GSR: variants seen among roughly 807,000 people sequenced by gnomAD.
GSR encodes glutathione reductase, mitochondrial.
A neutral mutation model predicts 56.5 loss-of-function variants in GSR; 48 were observed. The ratio of observed to expected loss-of-function variants is 0.85; its 90% CI spans 0.67 to 1.08. GSR has a LOEUF of 1.08. GSR is among the 50% of genes least tolerant of loss of function. The pLI is 0.00. For missense variants in GSR, 694 were observed against 703.3 expected, an observed-to-expected ratio of 0.99 and a Z score of 0.15; for synonymous variants, 264 against 270.8, an observed-to-expected ratio of 0.97 and a Z score of 0.25.
At chr8:30,713,189 A>G (rs778851376) in intron 1 of GSR, among the ~76,000 whole-genome samples, 1 of 152,126 alleles carries the variant, frequency 6.6e-6, no homozygotes, top group Non-Finnish European at 1.5e-5. Flanking sequence ...GGTGTGCACC[A>G]CCATGCCCAG....
rs568940058 is a variant in GSR at position 30,698,590 on chromosome 8, C to A, written c.695+1491G>T. Among the ~76,000 whole-genome samples the A allele has an allele frequency of 1.2e-3, 187 of 152,332 alleles. 3 individuals are homozygous for A. Among genetic ancestry groups the A allele is most frequent in the African/African-American group, 4.0e-3 (166 of 41,580 alleles). ...AGGTATCTTCAAGGGACATTTTCAC[C>A]ATCCTATGGAACTGCAAAGCAGCTC... is the stretch of plus-strand genomic sequence containing the variant. On this transcript the variant is annotated intron_variant, in intron 6 of 12. Transcript: ENST00000221130.
At chr8:30,710,958 T>C (rs1041595847) in intron 2 of GSR, among the ~76,000 whole-genome samples, 1 of 151,962 alleles carries the variant, frequency 6.6e-6, no homozygotes, top group Admixed American at 6.6e-5. Context: ...TAAAACCACC[T>C]TATAATTAAT....
chr8:30,696,344 C>T, intron 7 of GSR, 36 bp downstream of exon 7: 1 of 1,315,504 alleles, frequency 7.6e-7, no homozygotes, highest in Non-Finnish European at 1.1e-6. Context: ...TTTAAATTAA[C>T]ATCAAGAAAA....
At chr8:30,705,361 C>T (rs1337361182) in intron 4 of GSR, among the ~76,000 whole-genome samples, 2 of 152,008 alleles carry the variant, frequency 1.3e-5, no homozygotes, top group Non-Finnish European at 2.9e-5. Flanking sequence ...CTCCAGGGTT[C>T]ACGCCATTCT....
intron 3 of GSR, among the ~76,000 whole-genome samples, chr8:30,708,835 T>C (rs1419330308): frequency 6.6e-6 from 1 of 151,316 alleles, no homozygotes; most frequent in African/African-American, 2.4e-5. Flanking sequence ...GGTGGGTGCC[T>C]GTAGTCCCAG....
intron 12 of GSR, 134 bp downstream of exon 12, chr8:30,680,770 A>C: frequency 1.2e-6 from 1 of 809,264 alleles, no homozygotes; most frequent in Non-Finnish European, 2.2e-6. Context: ...TGCAGGTAAG[A>C]CAGATCAAAG....
At position 30,686,807 on chromosome 8, in the gene GSR, T is replaced by C. The variant is rs545875939; in HGVS notation, c.1041+2354A>G. 9.1e-4 allele frequency among the ~76,000 whole-genome samples: 138 copies of C among 152,044 alleles called. 1 individual carries two copies. The South Asian group carries it at 0.012, about 13-fold the overall frequency. On this transcript the variant is annotated intron_variant, in intron 9 of 12. Transcript: ENST00000221130. ...GTGAAAAGCTGAATGACCAGTTTTT[T>C]GTTGTTGTTGTTTTCTTTTGGTGTT... is the stretch of plus-strand genomic sequence containing the variant.
chr8:30,719,249 G>C lies in GSR; in HGVS notation c.307-7161C>G, dbSNP rs116068585. On this transcript the variant is annotated intron_variant, in intron 1 of 12. Coordinates refer to ENST00000221130, the MANE Select transcript of GSR (RefSeq NM_000637.5). The stretch of plus-strand genomic sequence containing the variant: ...AGCCTCCCGAGTAGCTGGGACAACA[G>C]GTGTGTACTACCACACCTGGATAAA... 7.9e-3 allele frequency among the ~76,000 whole-genome samples: 1,168 copies of C among 148,542 alleles called. 19 individuals are homozygous for C. The highest frequency in any genetic ancestry group is 0.027 in the African/African-American group (1,093 of 40,908).
chr8:30,687,905 T>C (rs547553849), intron 9 of GSR, among the ~76,000 whole-genome samples: 2 of 152,298 alleles, frequency 1.3e-5, no homozygotes, highest in African/African-American at 2.4e-5. Flanking sequence ...TCATTCCCAT[T>C]GTGAATATGA....
chr8:30,689,287 C>G lies in GSR; in HGVS notation c.915G>C (p.Leu305Phe), dbSNP rs2128739927. The change falls in exon 9 of 13, where the codon TTG becomes TTC. Residue 305 changes from leucine to phenylalanine, a missense_variant. By Grantham distance (22) the Leu-to-Phe change is conservative. Transcript: ENST00000221130. ...GAACTGCAGTAACCATGCTGACTTC[C>G]AAGCCCGACAAAGTCTTTTTAACCT... ...VKEVKKTLSG[L>F]EVSMVTAVPG... 1 of 1,614,094 alleles carries G rather than the reference C, an allele frequency of 6.2e-7. No individual in the cohort carries two copies. The highest frequency in any genetic ancestry group is 1.7e-5 in the Admixed American group (1 of 60,014).
In GSR at chr8:30,718,115, T is replaced by TAAAA. The variant is rs1039275506; in HGVS notation, c.307-6028_307-6027insTTTT. ...AAATTCTGTCTCAAAAAAATAAAAATAAATAAATAAATAAATAAATAAATA... is the reference window on the plus strand; with the variant it reads ...AAATTCTGTCTCAAAAAAATAAAAATAAAAAAATAAATAAATAAATAAATAAATA... On this transcript the variant is annotated intron_variant, in intron 1 of 12. Transcript: ENST00000221130. Among the ~76,000 whole-genome samples, 12 of 150,472 alleles carry TAAAA rather than the reference T, an allele frequency of 8.0e-5. No homozygotes were observed. The South Asian group carries it at 1.0e-3, about 13-fold the overall frequency.
In GSR at chr8:30,679,247, GA is replaced by G. The variant is rs961414345; in HGVS notation, c.*272del. Reference sequence around the variant, plus strand: ...TTATATTTGGGATGAGGCTAAAACAGAAAAAAAAAACTAGCACAGAGCTGTT... The same window carrying G: ...TTATATTTGGGATGAGGCTAAAACAGAAAAAAAAACTAGCACAGAGCTGTT... On this transcript the variant is annotated 3_prime_UTR_variant, in exon 13 of 13. Coordinates refer to ENST00000221130, the MANE Select transcript of GSR (RefSeq NM_000637.5). 4.3e-4 allele frequency: 165 copies of G among 382,952 alleles called. No individual in the cohort carries two copies. The highest frequency in any genetic ancestry group is 7.2e-4 in the East Asian group (14 of 19,508). The allele number at this position is 382,952 out of a possible 1,614,324, so 23.7% of individuals were successfully genotyped here. A position where few individuals can be genotyped will look rare whatever the true frequency, so the allele number is the denominator to read the frequency against.
At chr8:30,693,775 C>T (rs1468545572) in intron 7 of GSR, among the ~76,000 whole-genome samples, 1 of 152,166 alleles carries the variant, frequency 6.6e-6, no homozygotes, top group Non-Finnish European at 1.5e-5. Context: ...GTGATCCGCC[C>T]ACCTAGGCCT....
At chr8:30,707,029 G>A (rs1275036008) in intron 4 of GSR, 3 of 152,232 alleles carry the variant, frequency 2.0e-5, no homozygotes, top group African/African-American at 7.2e-5. Context: ...CAGCTGCTTG[G>A]GAGGCTGAGG....
In GSR at chr8:30,692,996, A is replaced by G. The variant is rs780054670; in HGVS notation, c.855T>C (p.Ala285=). ...STNCTEELEN[A]GVEVLKFSQV... ...GGGAGAACTTCAGCACCTCCACGCC[A>G]GCGTTCTCCAGCTCCTCCGTGCAGT... Residue 285 remains alanine, a synonymous_variant, in exon 8 of 13, where the codon GCT becomes GCC. Coordinates refer to ENST00000221130, the MANE Select transcript of GSR (RefSeq NM_000637.5). 16 of 1,612,590 alleles carry G rather than the reference A, an allele frequency of 9.9e-6. No individual in the cohort carries two copies. In the African/African-American group the frequency reaches 2.0e-4, roughly 20 times the overall value.
rs1180715865 is a variant in GSR at position 30,709,802 on chromosome 8, G to A, written c.422+12C>T. The A allele has an allele frequency of 2.8e-6, 4 of 1,437,468 alleles. No individual in the cohort carries two copies. The highest frequency in any genetic ancestry group is 2.9e-6 in the Non-Finnish European group (3 of 1,020,934). 89.0% of individuals were successfully genotyped at this position (1,437,468 alleles called of 1,614,324 possible). A position where few individuals can be genotyped will look rare whatever the true frequency, so the allele number is the denominator to read the frequency against. ...CACTTGGAAACTGAACCCTCTGAGT[G>A]TTGACACTTACCGCCAATTGAATTT... On this transcript the variant is annotated intron_variant, in intron 3 of 12. Transcript: ENST00000221130.
intron 12 of GSR, 66 bp downstream of exon 12, chr8:30,680,838 C>T (rs1204771695): frequency 4.7e-6 from 7 of 1,474,356 alleles, no homozygotes; most frequent in African/African-American, 1.4e-5. Context: ...CTTTCCACCC[C>T]TGCAAAATAC....
chr8:30,718,111 A>AAAT (rs1766668118), intron 1 of GSR, among the ~76,000 whole-genome samples: 4 of 147,722 alleles, frequency 2.7e-5, no homozygotes, highest in East Asian at 2.0e-4. Context: ...CAAAAAAATA[A>AAAT]AAATAAATAA....
chr8:30,689,140 G>C (rs8191006), intron 9 of GSR, 21 bp downstream of exon 9: 1 of 1,612,192 alleles, frequency 6.2e-7, no homozygotes, highest in South Asian at 1.1e-5. Context: ...CAAATGTTTC[G>C]GGCAGACCAA....
Sources: gnomAD v4.1 joint callset for allele counts (sites outside exome capture counted in the v4.1 genomes callset) on GRCh38, gnomAD v4.1.1 for gene constraint, MANE v1.5 for transcripts, NCBI Gene and HGNC (gene_info 2026-07-23, HGNC 2026-07-21) for gene names.